The following LDLRAD4 variants were observed in gnomAD, a reference collection of about 807,000 sequenced individuals.
The protein encoded by LDLRAD4 is low-density lipoprotein receptor class A domain-containing protein 4.
Under a neutral mutation model 17.0 loss-of-function variants are expected in LDLRAD4, and 5 were observed. The ratio of observed to expected loss-of-function variants is 0.29; its 90% CI spans 0.15 to 0.62. LDLRAD4 has a LOEUF of 0.62. Ranked by LOEUF, LDLRAD4 falls within the 20% of genes least tolerant of loss-of-function variation. The pLI is 0.84. For missense variants in LDLRAD4, 340 were observed against 424.7 expected, an observed-to-expected ratio of 0.80 and a Z score of 1.75; for synonymous variants, 168 against 171.8, an observed-to-expected ratio of 0.98 and a Z score of 0.17.
chr18:13,311,547 A>G (rs1403389339), intron 1 of LDLRAD4, among the ~76,000 whole-genome samples: 1 of 152,202 alleles, frequency 6.6e-6, no homozygotes, highest in African/African-American at 2.4e-5. Context: ...ACACTGGGCA[A>G]TGTTTCCAGC....
chr18:13,519,726 C>T (rs1001294231), intron 3 of LDLRAD4: 2 of 152,228 alleles, frequency 1.3e-5, no homozygotes, highest in African/African-American at 4.8e-5. Flanking sequence ...AGTCACACCA[C>T]TGCACTTCCA....
intron 1 of LDLRAD4, among the ~76,000 whole-genome samples, chr18:13,230,847 A>G (rs1222962544): frequency 2.0e-5 from 3 of 152,222 alleles, no homozygotes; most frequent in Non-Finnish European, 4.4e-5. Context: ...TTTCTGGTCC[A>G]TGCTATCTGA....
intron 3 of LDLRAD4, among the ~76,000 whole-genome samples, chr18:13,618,459 G>T (rs1216808109): frequency 1.3e-5 from 2 of 152,158 alleles, no homozygotes; most frequent in African/African-American, 2.4e-5. Flanking sequence ...TGTAAAAAAT[G>T]CCCAGAGACT....
chr18:13,422,205 T>C (rs760004562), intron 2 of LDLRAD4, among the ~76,000 whole-genome samples: 4 of 152,302 alleles, frequency 2.6e-5, no homozygotes, highest in African/African-American at 9.6e-5. Context: ...TCAGTGCACA[T>C]GTCACATGGG....
Position 13,537,221 on chromosome 18 carries a change from C to A in LDLRAD4, c.182-83896C>A, listed in dbSNP as rs77003267. Among the ~76,000 whole-genome samples, 1,130 of 152,298 alleles carry A rather than the reference C, an allele frequency of 7.4e-3. 18 individuals carry two copies. The highest frequency in any genetic ancestry group is 0.026 in the African/African-American group (1,068 of 41,536). ...GTATTATTTCCTTTTTAAATACAGT[C>A]ATGCATTGCTTACAGAAGGGGGTAG... is the stretch of plus-strand genomic sequence containing the variant. On this transcript the variant is annotated intron_variant, in intron 3 of 5. Coordinates refer to ENST00000359446, the Ensembl canonical transcript of LDLRAD4.
chr18:13,323,423 G>T (rs2081358324), intron 1 of LDLRAD4, among the ~76,000 whole-genome samples: 1 of 152,334 alleles, frequency 6.6e-6, no homozygotes, highest in African/African-American at 2.4e-5. Context: ...TGTGGGAAAA[G>T]GAATGAGGAT....
At chr18:13,410,993 A>G (rs545373252) in intron 2 of LDLRAD4, among the ~76,000 whole-genome samples, 11 of 152,324 alleles carry the variant, frequency 7.2e-5, no homozygotes, top group South Asian at 6.2e-4. Flanking sequence ...GCTTACGCCT[A>G]TAATCCCAGC....
At chr18:13,426,964 T>A (rs1600187169) in intron 2 of LDLRAD4, among the ~76,000 whole-genome samples, 1 of 152,062 alleles carries the variant, frequency 6.6e-6, no homozygotes, top group African/African-American at 2.4e-5. Context: ...GGCGGGCGGA[T>A]CACGAAGTTA....
chr18:13,551,001 T>A (rs1454973457), intron 3 of LDLRAD4, among the ~76,000 whole-genome samples: 1 of 152,178 alleles, frequency 6.6e-6, no homozygotes, highest in East Asian at 1.9e-4. Context: ...CCCAGGGGCT[T>A]GACCTCTGCC....
At chr18:13,349,785 C>T (rs774304649) in intron 1 of LDLRAD4, among the ~76,000 whole-genome samples, 43 of 151,874 alleles carry the variant, frequency 2.8e-4, no homozygotes, top group Non-Finnish European at 6.0e-4. Flanking sequence ...CTTCGTCTCA[C>T]CCCCCACCCC....
chr18:13,468,913 A>G (rs968820552), intron 3 of LDLRAD4, among the ~76,000 whole-genome samples: 1 of 151,820 alleles, frequency 6.6e-6, no homozygotes, highest in African/African-American at 2.4e-5. Context: ...TGACGAGTTA[A>G]TGGGTGCAGC....
chr18:13,541,197 G>A (rs1411101301), intron 3 of LDLRAD4, among the ~76,000 whole-genome samples: 4 of 152,216 alleles, frequency 2.6e-5, no homozygotes, highest in Admixed American at 2.6e-4. Context: ...AATGTAAAAT[G>A]TGCAGACCAA....
intron 1 of LDLRAD4, among the ~76,000 whole-genome samples, chr18:13,306,299 G>C (rs148820462): frequency 4.4e-4 from 67 of 152,344 alleles, no homozygotes; most frequent in African/African-American, 1.5e-3. Context: ...CCAGTCTTTT[G>C]ATTGTAGAAC....
At chr18:13,324,105 G>A (rs1342511756) in intron 1 of LDLRAD4, among the ~76,000 whole-genome samples, 1 of 151,824 alleles carries the variant, frequency 6.6e-6, no homozygotes, top group East Asian at 1.9e-4. Flanking sequence ...AATTACACGT[G>A]CGTGGCTCCA....
chr18:13,427,123 T>C (rs1194225620), intron 2 of LDLRAD4, among the ~76,000 whole-genome samples: 1 of 151,964 alleles, frequency 6.6e-6, no homozygotes, highest in Non-Finnish European at 1.5e-5. Flanking sequence ...GAGGCGGAGA[T>C]TGCAGTGAGC....
intron 3 of LDLRAD4, chr18:13,522,468 A>T (rs1226786008): frequency 1.3e-5 from 2 of 151,578 alleles, no homozygotes; most frequent in Non-Finnish European, 2.9e-5. Context: ...GCTAGTCTGC[A>T]TATCTCGTAT....
chr18:13,600,582 C>T (rs145181231), intron 3 of LDLRAD4, among the ~76,000 whole-genome samples: 53 of 152,278 alleles, frequency 3.5e-4, no homozygotes, highest in Middle Eastern at 3.4e-3. Flanking sequence ...GATCAAGGTT[C>T]GCCATTTGCT....
intron 1 of LDLRAD4, among the ~76,000 whole-genome samples, chr18:13,368,548 C>T (rs1302620701): frequency 6.6e-6 from 1 of 152,194 alleles, no homozygotes; most frequent in South Asian, 2.1e-4. Context: ...CTGATTTTAT[C>T]CATCCATTAC....
chr18:13,303,970 G>A (rs2046759900), intron 1 of LDLRAD4, among the ~76,000 whole-genome samples: 1 of 152,244 alleles, frequency 6.6e-6, no homozygotes, highest in South Asian at 2.1e-4. Context: ...GGTAGACAGT[G>A]CAGTTGTCAC....
Sources: gnomAD v4.1 joint callset for allele counts (sites outside exome capture counted in the v4.1 genomes callset) on GRCh38, gnomAD v4.1.1 for gene constraint, MANE v1.5 for transcripts, NCBI Gene and HGNC (gene_info 2026-07-23, HGNC 2026-07-21) for gene names.